Variants in AP1S3 observed in about 807,000 individuals in gnomAD.
AP1S3 encodes the protein adaptor related protein complex 1 subunit sigma 3, also known as AP-1 complex subunit sigma-3.
Under a neutral mutation model 20.9 loss-of-function variants are expected in AP1S3, and 10 were observed. That is an observed-to-expected ratio of 0.48 (90% CI 0.29 to 0.81). AP1S3 has a LOEUF of 0.81. AP1S3 is among the 30% of genes least tolerant of loss of function. The pLI, the probability that AP1S3 is intolerant of heterozygous loss-of-function variation, is 0.08. For synonymous variants in AP1S3, 41 were observed against 61.5 expected (o/e 0.67, Z 1.56); for missense variants, 154 against 183.8 (o/e 0.84, Z 0.94).
chr2:223,766,364 C>G (rs970470386), intron 3 of AP1S3, among the ~76,000 whole-genome samples: 12 of 152,034 alleles, frequency 7.9e-5, no homozygotes, highest in Non-Finnish European at 1.5e-5. Flanking sequence ...AAAGTTTTCT[C>G]CCATTCTGTT....
intron 1 of AP1S3, among the ~76,000 whole-genome samples, chr2:223,808,756 A>G (rs1265917686): frequency 6.6e-6 from 1 of 152,228 alleles, no homozygotes; most frequent in East Asian, 1.9e-4. Context: ...CTGTAATTCC[A>G]GCAATTTGAG....
chr2:223,813,753 G>A (rs1691785031), intron 1 of AP1S3, among the ~76,000 whole-genome samples: 1 of 152,154 alleles, frequency 6.6e-6, no homozygotes, highest in Non-Finnish European at 1.5e-5. Context: ...CAGAATAGAA[G>A]GTAGTTCCTT....
chr2:223,793,798 C>T (rs1691270366), intron 1 of AP1S3, among the ~76,000 whole-genome samples: 3 of 151,954 alleles, frequency 2.0e-5, no homozygotes. Context: ...CCACCACCAC[C>T]TAATACGTTT....
At chr2:223,828,058 TAAAAAAAA>T (rs527671959) in intron 1 of AP1S3, among the ~76,000 whole-genome samples, 51 of 94,642 alleles carry the variant, frequency 5.4e-4, no homozygotes, top group African/African-American at 1.8e-3. Context: ...AGACTTCATC[TAAAAAAAA>T]AAAAAAAAAA....
intron 1 of AP1S3, among the ~76,000 whole-genome samples, chr2:223,819,654 C>T (rs376797762): frequency 4.6e-5 from 7 of 150,912 alleles, no homozygotes; most frequent in African/African-American, 1.7e-4. Context: ...TCACAGTTAA[C>T]CAAAAAAAGA....
Position 223,755,796 on chromosome 2 carries a change from C to T in AP1S3, c.*2919G>A. ...TCTGCCGCCTTGACCTCCCAAAGTG[C>T]TGGGATTACAGGCGTGAGCCACCTT... On this transcript the variant is annotated 3_prime_UTR_variant, in exon 5 of 5. Transcript: ENST00000396654. 2 of 977,242 alleles carry T rather than the reference C, an allele frequency of 2.0e-6. No individual in the cohort carries two copies. The highest frequency in any genetic ancestry group is 1.7e-5 in the African/African-American group (1 of 57,192). 60.5% of individuals were successfully genotyped at this position (977,242 alleles called of 1,614,324 possible).
intron 1 of AP1S3, among the ~76,000 whole-genome samples, chr2:223,804,705 C>T (rs2106113484): frequency 6.9e-6 from 1 of 145,160 alleles, no homozygotes; most frequent in South Asian, 2.2e-4. Context: ...GCCTGAGTGA[C>T]AGAGACTGTT....
At chr2:223,824,661 C>G (rs1228459651) in intron 1 of AP1S3, among the ~76,000 whole-genome samples, 1 of 152,048 alleles carries the variant, frequency 6.6e-6, no homozygotes, top group Non-Finnish European at 1.5e-5. Context: ...CCTCAGCCTC[C>G]GGAGTGGCTG....
intron 1 of AP1S3, among the ~76,000 whole-genome samples, chr2:223,825,957 A>G (rs973648897): frequency 4.6e-5 from 7 of 152,208 alleles, no homozygotes; most frequent in Non-Finnish European, 7.3e-5. Context: ...CAGAGGTTGC[A>G]GTGAGCCGAG....
intron 3 of AP1S3, among the ~76,000 whole-genome samples, chr2:223,775,104 G>A (rs994450716): frequency 6.6e-6 from 1 of 152,206 alleles, no homozygotes; most frequent in Non-Finnish European, 1.5e-5. Flanking sequence ...CGAGAAGCAG[G>A]TGAAAGCAGG....
chr2:223,817,726 G>A (rs916884015), intron 1 of AP1S3, among the ~76,000 whole-genome samples: 12 of 151,968 alleles, frequency 7.9e-5, no homozygotes, highest in Non-Finnish European at 7.3e-5. Flanking sequence ...AACTGGAATG[G>A]AGATAGACAC....
chr2:223,781,554 A>G (rs1690946548), intron 1 of AP1S3, among the ~76,000 whole-genome samples: 1 of 152,108 alleles, frequency 6.6e-6, no homozygotes, highest in Non-Finnish European at 1.5e-5. Context: ...TGGGAAACAT[A>G]GCAAGACCCC....
intron 1 of AP1S3, among the ~76,000 whole-genome samples, chr2:223,804,129 A>G (rs1251225163): frequency 6.6e-6 from 1 of 152,136 alleles, no homozygotes; most frequent in Non-Finnish European, 1.5e-5. Context: ...GTAAAGCTAG[A>G]CATGTGAACC....
chr2:223,830,450 G>A (rs955740025), intron 1 of AP1S3, among the ~76,000 whole-genome samples: 2 of 145,232 alleles, frequency 1.4e-5, no homozygotes, highest in African/African-American at 5.2e-5. Context: ...CTGCACTCCA[G>A]CCTGGGTGAC....
chr2:223,761,847 G>A (rs962001843), intron 4 of AP1S3, among the ~76,000 whole-genome samples: 2 of 152,220 alleles, frequency 1.3e-5, no homozygotes, highest in African/African-American at 4.8e-5. Flanking sequence ...ACAGGCATGA[G>A]CCATCGCATC....
In AP1S3 at chr2:223,781,918, C is replaced by T. The variant is rs371496384; in HGVS notation, c.4-4049G>A. On this transcript the variant is annotated intron_variant, in intron 1 of 4. Coordinates refer to ENST00000396654, the MANE Select transcript of AP1S3 (RefSeq NM_001039569.2). The stretch of plus-strand genomic sequence containing the variant: ...CTTGTTATAATTTAAACCAGTTTTC[C>T]CTGATTTTATCCATAGATTATATAA... 2.1e-4 allele frequency among the ~76,000 whole-genome samples: 32 copies of T among 152,054 alleles called. No homozygotes were observed. The East Asian group carries it at 2.5e-3, about 12-fold the overall frequency.
intron 1 of AP1S3, among the ~76,000 whole-genome samples, chr2:223,781,193 T>C (rs1690937369): frequency 6.6e-6 from 1 of 152,100 alleles, no homozygotes; most frequent in African/African-American, 2.4e-5. Flanking sequence ...ATTCCACCAT[T>C]GATGGGCACG....
intron 4 of AP1S3, among the ~76,000 whole-genome samples, chr2:223,764,073 C>T (rs528710857): frequency 6.6e-6 from 1 of 152,260 alleles, no homozygotes; most frequent in Admixed American, 6.5e-5. Flanking sequence ...CACACATCCC[C>T]ATGCCCGGCT....
chr2:223,817,720 G>A (rs1232203371), intron 1 of AP1S3, among the ~76,000 whole-genome samples: 1 of 151,932 alleles, frequency 6.6e-6, no homozygotes, highest in East Asian at 1.9e-4. Flanking sequence ...TTATTTAACT[G>A]GAATGGAGAT....
Sources: gnomAD v4.1 joint callset for allele counts (sites outside exome capture counted in the v4.1 genomes callset) on GRCh38, gnomAD v4.1.1 for gene constraint, MANE v1.5 for transcripts, NCBI Gene and HGNC (gene_info 2026-07-23, HGNC 2026-07-21) for gene names.